Variants in TMEM272 observed in about 807,000 individuals in gnomAD.
The protein encoded by TMEM272 is long intergenic non-protein coding RNA 282.
In TMEM272, 8 loss-of-function variants were observed where a neutral mutation model predicts 3.7. The observed-to-expected ratio is 2.17, with a 90% CI of 1.27 to 3.91. The LOEUF is 3.91. Among genes scored for constraint, TMEM272 ranks in the 30% most tolerant of loss-of-function variants. The pLI is 0.00. For missense variants in TMEM272, 166 were observed against 91.5 expected (o/e 1.81, Z -3.32); for synonymous variants, 63 against 39.8 (o/e 1.58, Z -2.20).
the TMEM272 span, chr13:51,865,816 C>T: frequency 6.2e-7 from 1 of 1,614,162 alleles, no homozygotes; most frequent in East Asian, 2.2e-5. Flanking sequence ...GGGAAAGAGA[C>T]CGGAACCTTC....
At chr13:51,913,205 T>A in the TMEM272 span, among the ~76,000 whole-genome samples, 1 of 152,054 alleles carries the variant, frequency 6.6e-6, no homozygotes, top group East Asian at 1.9e-4. Flanking sequence ...GACATCCCTT[T>A]CCCCCAAATG....
At position 51,816,962 on chromosome 13, in the gene TMEM272, C is replaced by G. The variant is rs769693137; in HGVS notation, c.353G>C (p.Trp118Ser). The G allele has an allele frequency of 8.5e-6, 6 of 702,948 alleles. No individual in the cohort carries two copies. Among genetic ancestry groups the G allele is most frequent in the African/African-American group, 1.7e-5 (1 of 57,256 alleles). 43.5% of individuals were successfully genotyped at this position (702,948 alleles called of 1,614,324 possible). Residue 118 changes from tryptophan (W) to serine (S), a missense_variant, in exon 5 of 5, where the codon TGG (tryptophan) becomes TCG (serine). Physicochemically the swap from Trp to Ser is radical, Grantham distance 177. Coordinates refer to ENST00000629372, the MANE Select transcript of TMEM272 (RefSeq NM_001351003.2). The part of the protein sequence containing the change: ...HLLLSLFLFL[W>S]FILGNYWVFS... Reference sequence around the variant, plus strand: ...GACCCAGTAGTTTCCCAGGATGAACCAGAGGAAGAGGAAGAGGCTCAGCAG... The same window carrying G: ...GACCCAGTAGTTTCCCAGGATGAACGAGAGGAAGAGGAAGAGGCTCAGCAG...
intron 2 of TMEM272, among the ~76,000 whole-genome samples, chr13:51,834,161 G>C (rs1956195851): frequency 6.6e-6 from 1 of 152,208 alleles, no homozygotes; most frequent in Admixed American, 6.5e-5. Flanking sequence ...TGAGGCTACA[G>C]GGCTGAGTGA....
upstream of TMEM272, among the ~76,000 whole-genome samples, chr13:51,847,607 A>C (rs1244718096): frequency 1.3e-5 from 2 of 152,216 alleles, no homozygotes; most frequent in African/African-American, 4.8e-5. Flanking sequence ...CCCATGGTTC[A>C]GTGATACATG....
chr13:51,837,099 G>A (rs985130009), intron 2 of TMEM272, among the ~76,000 whole-genome samples: 3 of 152,200 alleles, frequency 2.0e-5, no homozygotes, highest in Non-Finnish European at 2.9e-5. Context: ...CATACAACAA[G>A]GGCAGAAATC....
the TMEM272 span, among the ~76,000 whole-genome samples, chr13:51,885,260 T>C: frequency 6.6e-6 from 1 of 152,212 alleles, no homozygotes; most frequent in African/African-American, 2.4e-5. Flanking sequence ...ATTAATCCGT[T>C]CTCACAATGC....
chr13:51,927,488 T>A, the TMEM272 span, among the ~76,000 whole-genome samples: 1 of 152,154 alleles, frequency 6.6e-6, no homozygotes, highest in African/African-American at 2.4e-5. Flanking sequence ...GGAGAAAAGG[T>A]AAAGATATTT....
chr13:51,924,510 C>A, the TMEM272 span, among the ~76,000 whole-genome samples: 13 of 152,184 alleles, frequency 8.5e-5, no homozygotes, highest in Non-Finnish European at 1.8e-4. Context: ...ATGGAGCCCC[C>A]ATCTGCCCTG....
chr13:51,864,651 C>T, the TMEM272 span, among the ~76,000 whole-genome samples: 1 of 152,182 alleles, frequency 6.6e-6, no homozygotes, highest in Admixed American at 6.5e-5. Flanking sequence ...AACAAAGCTC[C>T]TTGAACACAC....
the TMEM272 span, among the ~76,000 whole-genome samples, chr13:51,871,335 T>C: frequency 6.6e-6 from 1 of 151,820 alleles, no homozygotes; most frequent in Non-Finnish European, 1.5e-5. Flanking sequence ...GGACTACAGG[T>C]GCCCGCCACC....
chr13:51,861,599 AGACCTGGGG>A, the TMEM272 span, among the ~76,000 whole-genome samples: 1 of 152,358 alleles, frequency 6.6e-6, no homozygotes, highest in East Asian at 1.9e-4. Flanking sequence ...GTAACTTTAG[AGACCTGGGG>A]GACACACTCA....
chr13:51,896,711 C>G, the TMEM272 span, among the ~76,000 whole-genome samples: 1 of 152,188 alleles, frequency 6.6e-6, no homozygotes, highest in Non-Finnish European at 1.5e-5. Flanking sequence ...CTGAGTACTT[C>G]CAACTGTGCA....
At chr13:51,931,139 T>C in the TMEM272 span, among the ~76,000 whole-genome samples, 1 of 152,144 alleles carries the variant, frequency 6.6e-6, no homozygotes, top group African/African-American at 2.4e-5. Flanking sequence ...TATAAATCAT[T>C]CTACTATAAA....
upstream of TMEM272, among the ~76,000 whole-genome samples, chr13:51,849,566 G>C (rs528852884): frequency 6.6e-6 from 1 of 152,302 alleles, no homozygotes; most frequent in African/African-American, 2.4e-5. Flanking sequence ...ACATTCTAAG[G>C]GCCCTGTGGA....
intron 4 of TMEM272, among the ~76,000 whole-genome samples, 194 bp from the exon 5 acceptor site, chr13:51,817,307 G>T (rs1419541613): frequency 6.6e-6 from 1 of 152,226 alleles, no homozygotes; most frequent in Non-Finnish European, 1.5e-5. Context: ...TGAAGAATAA[G>T]AATTAAAACT....
At chr13:51,915,360 G>T in the TMEM272 span, among the ~76,000 whole-genome samples, 1 of 152,232 alleles carries the variant, frequency 6.6e-6, no homozygotes, top group East Asian at 1.9e-4. Context: ...TAGCTGCAGT[G>T]AATTGTATTT....
the TMEM272 span, among the ~76,000 whole-genome samples, chr13:51,899,909 C>G: frequency 6.6e-6 from 1 of 152,140 alleles, no homozygotes; most frequent in Non-Finnish European, 1.5e-5. Context: ...GATGAACAGT[C>G]TTTTCAATAA....
At chr13:51,827,015 C>A (rs1006703057) in intron 2 of TMEM272, among the ~76,000 whole-genome samples, 1 of 152,218 alleles carries the variant, frequency 6.6e-6, no homozygotes, top group Non-Finnish European at 1.5e-5. Context: ...GTACTCAGGG[C>A]AGATGGTTCT....
chr13:51,931,546 G>C, the TMEM272 span, among the ~76,000 whole-genome samples: 2 of 152,132 alleles, frequency 1.3e-5, no homozygotes, highest in Non-Finnish European at 2.9e-5. Context: ...GTAGATGATA[G>C]GTTGACGGGT....
Sources: gnomAD v4.1 joint callset for allele counts (sites outside exome capture counted in the v4.1 genomes callset) on GRCh38, gnomAD v4.1.1 for gene constraint, MANE v1.5 for transcripts, NCBI Gene and HGNC (gene_info 2026-07-23, HGNC 2026-07-21) for gene names.